Variants in EPM2A observed in about 807,000 individuals in gnomAD.
EPM2A encodes the protein laforin.
Under a neutral mutation model 26.5 loss-of-function variants are expected in EPM2A, and 21 were observed. The observed-to-expected ratio is 0.79, with a 90% CI of 0.56 to 1.14. EPM2A has a LOEUF of 1.14. EPM2A is among the 50% of genes most tolerant of loss of function. EPM2A has a pLI of 0.00. For synonymous variants in EPM2A, 217 were observed against 177.6 expected, an observed-to-expected ratio of 1.22 and a Z score of -1.76; for missense variants, 458 against 440.8, an observed-to-expected ratio of 1.04 and a Z score of -0.35.
intron 2 of EPM2A, chr6:145,636,578 T>C (rs1001353805): frequency 1.3e-5 from 2 of 152,062 alleles, no homozygotes; most frequent in African/African-American, 4.8e-5. Flanking sequence ...AACTGGGCAA[T>C]TGGCTTCTCA....
chr6:145,538,050 C>T (rs1017467491), intron 2 of EPM2A, among the ~76,000 whole-genome samples: 33 of 151,932 alleles, frequency 2.2e-4, no homozygotes, highest in Admixed American at 3.9e-4. Flanking sequence ...GTAAATAGTG[C>T]TGCAATAAAT....
chr6:145,710,133 A>C (rs543661122), intron 1 of EPM2A, among the ~76,000 whole-genome samples: 16 of 152,206 alleles, frequency 1.1e-4, no homozygotes, highest in East Asian at 7.7e-4. Context: ...TAATTAAACT[A>C]AAGAGCTTCT....
intron 4 of EPM2A, among the ~76,000 whole-genome samples, chr6:145,495,930 G>T (rs1265470617): frequency 1.3e-5 from 2 of 152,120 alleles, no homozygotes; most frequent in African/African-American, 4.8e-5. Context: ...TTCTTGTAAT[G>T]GCTGGTAAAA....
At chr6:145,681,785 G>A (rs1039422552) in intron 2 of EPM2A, among the ~76,000 whole-genome samples, 4 of 152,138 alleles carry the variant, frequency 2.6e-5, no homozygotes, top group African/African-American at 9.7e-5. Context: ...ATGGAGACAG[G>A]TGCTTGTCAG....
intron 2 of EPM2A, among the ~76,000 whole-genome samples, chr6:145,674,502 G>A (rs548952169): frequency 3.0e-4 from 45 of 152,142 alleles, no homozygotes; most frequent in African/African-American, 1.1e-3. Context: ...CGAGCCAAAC[G>A]AACATGTCCT....
intron 3 of EPM2A, among the ~76,000 whole-genome samples, chr6:145,632,773 T>C (rs973271292): frequency 2.0e-5 from 3 of 152,202 alleles, no homozygotes; most frequent in African/African-American, 4.8e-5. Flanking sequence ...TATGTGTTCA[T>C]TGGGCTAATA....
chr6:145,564,774 G>T (rs1001692970), intron 2 of EPM2A, among the ~76,000 whole-genome samples: 5 of 46,730 alleles, frequency 1.1e-4, no homozygotes, highest in Non-Finnish European at 2.2e-4. Flanking sequence ...GGTATATGGT[G>T]GGGGGGGGCA....
chr6:145,695,160 A>G (rs531291987), intron 1 of EPM2A, among the ~76,000 whole-genome samples: 1 of 152,122 alleles, frequency 6.6e-6, no homozygotes, highest in South Asian at 2.1e-4. Flanking sequence ...AAAATCATAA[A>G]ATGTGGTAGG....
intron 2 of EPM2A, among the ~76,000 whole-genome samples, chr6:145,651,817 T>C (rs890766015): frequency 6.6e-6 from 1 of 152,132 alleles, no homozygotes; most frequent in South Asian, 2.1e-4. Flanking sequence ...AGGAAAAATA[T>C]TTCATAGTTT....
chr6:145,591,863 T>A (rs1405427647), intron 2 of EPM2A, among the ~76,000 whole-genome samples: 2 of 150,832 alleles, frequency 1.3e-5, no homozygotes, highest in Admixed American at 6.6e-5. Flanking sequence ...ACTAGATGAG[T>A]AAAGCAAATG....
intron 2 of EPM2A, among the ~76,000 whole-genome samples, chr6:145,681,487 TA>T (rs1780529638): frequency 1.3e-5 from 2 of 149,630 alleles, no homozygotes; most frequent in Admixed American, 6.7e-5. Context: ...TCCTGAATGG[TA>T]ATGCCTAGGT....
At chr6:145,692,385 ACAGCACC>A (rs1416746188) in intron 1 of EPM2A, among the ~76,000 whole-genome samples, 1 of 152,064 alleles carries the variant, frequency 6.6e-6, no homozygotes, top group Non-Finnish European at 1.5e-5. Flanking sequence ...TGACATTTAT[ACAGCACC>A]CAATATAGCA....
chr6:145,389,717 A>T (rs1247674051), intron 4 of EPM2A, among the ~76,000 whole-genome samples: 1 of 152,192 alleles, frequency 6.6e-6, no homozygotes, highest in African/African-American at 2.4e-5. Flanking sequence ...TCCTTGCTTG[A>T]TAAGCAGTGA....
chr6:145,576,999 C>T (rs904245419), intron 2 of EPM2A, among the ~76,000 whole-genome samples: 1 of 149,586 alleles, frequency 6.7e-6, no homozygotes, highest in African/African-American at 2.5e-5. Context: ...TCATGGTAAC[C>T]ACATTGTCAA....
At chr6:145,441,749 C>G (rs2114701063) in intron 4 of EPM2A, among the ~76,000 whole-genome samples, 1 of 152,220 alleles carries the variant, frequency 6.6e-6, no homozygotes, top group East Asian at 1.9e-4. Flanking sequence ...GTAGTCCCAG[C>G]TACTTGGGAG....
intron 1 of EPM2A, among the ~76,000 whole-genome samples, chr6:145,711,052 C>T (rs548216645): frequency 6.6e-6 from 1 of 152,030 alleles, no homozygotes; most frequent in African/African-American, 2.4e-5. Flanking sequence ...AGCACACCAA[C>T]ATGGCACAAG....
At chr6:145,719,769 C>T (rs1046938226) in intron 1 of EPM2A, among the ~76,000 whole-genome samples, 1 of 152,086 alleles carries the variant, frequency 6.6e-6, no homozygotes, top group African/African-American at 2.4e-5. Flanking sequence ...ATCCCAGTAC[C>T]TATCACAATT....
chr6:145,518,785 A>G (rs901547648), intron 2 of EPM2A, among the ~76,000 whole-genome samples: 1 of 152,158 alleles, frequency 6.6e-6, no homozygotes, highest in Non-Finnish European at 1.5e-5. Context: ...ATCAAACACC[A>G]TATTAGCTAA....
Position 145,626,153 on chromosome 6 carries a change from C to G in EPM2A, c.*1263G>C. ...AACACTTCTCTTTCTTCTATTCTAG[C>G]ATATCATTCATGGTCCAATCCTGCA... On this transcript the variant is annotated 3_prime_UTR_variant, in exon 4 of 4. Transcript: ENST00000367519. 1 of 1,017,220 alleles carries G rather than the reference C, an allele frequency of 9.8e-7. No individual in the cohort carries two copies. The highest frequency in any genetic ancestry group is 1.2e-6 in the Non-Finnish European group (1 of 848,880). The allele number at this position is 1,017,220 out of a possible 1,614,324, so 63.0% of individuals were successfully genotyped here. A position where few individuals can be genotyped will look rare whatever the true frequency, so the allele number is the denominator to read the frequency against.
Sources: gnomAD v4.1 joint callset for allele counts (sites outside exome capture counted in the v4.1 genomes callset) on GRCh38, gnomAD v4.1.1 for gene constraint, MANE v1.5 for transcripts, NCBI Gene and HGNC (gene_info 2026-07-23, HGNC 2026-07-21) for gene names.